PALS2: variants seen among roughly 807,000 people sequenced by gnomAD.
The protein encoded by PALS2 is protein associated with LIN7 2, MAGUK p55 family member, also known as protein PALS2.
PALS2 carries 27 observed loss-of-function variants against 61.6 expected under a neutral mutation model. The ratio of observed to expected loss-of-function variants is 0.44; its 90% CI spans 0.32 to 0.60. The LOEUF (loss-of-function observed/expected upper bound fraction) is 0.60. Among genes scored for constraint, PALS2 ranks in the 20% least tolerant of loss-of-function variants. The probability of loss-of-function intolerance (pLI) is 0.05; values close to 1 mark genes in which losing one functional copy is unlikely to be tolerated. For missense variants in PALS2, 554 were observed against 639.4 expected, an observed-to-expected ratio of 0.87 and a Z score of 1.44; for synonymous variants, 236 against 218.6, an observed-to-expected ratio of 1.08 and a Z score of -0.70.
rs1788520005 is a variant in PALS2 at position 24,692,467 on chromosome 7, A to G, written c.*4853A>G. ...GTGGTAGCTGTGATATGGTGAACTGAAAAATCCTTATTAGGCTACTTTATC... is the reference window on the plus strand; with the variant it reads ...GTGGTAGCTGTGATATGGTGAACTGGAAAATCCTTATTAGGCTACTTTATC... On this transcript the variant is annotated 3_prime_UTR_variant, in exon 12 of 12. Coordinates refer to ENST00000222644, the MANE Select transcript of PALS2 (RefSeq NM_001303037.2). 6.6e-6 allele frequency: 1 copy of G among 152,158 alleles called. No individual in the cohort carries two copies. The highest frequency in any genetic ancestry group is 2.4e-5 in the African/African-American group (1 of 41,462). 9.4% of individuals were successfully genotyped at this position (152,158 alleles called of 1,614,324 possible).
chr7:24,576,922 A>T (rs1025374724), intron 1 of PALS2, among the ~76,000 whole-genome samples: 1 of 152,196 alleles, frequency 6.6e-6, no homozygotes. Flanking sequence ...TTTGTTAACC[A>T]TTAAGCTGTG....
chr7:24,627,939 A>G (rs753808732), intron 2 of PALS2, among the ~76,000 whole-genome samples: 3 of 152,248 alleles, frequency 2.0e-5, no homozygotes, highest in Non-Finnish European at 2.9e-5. Context: ...TACCAGAGAT[A>G]CAAACAGGAG....
At chr7:24,681,651 T>A (rs1380584674) in intron 11 of PALS2, among the ~76,000 whole-genome samples, 1 of 151,950 alleles carries the variant, frequency 6.6e-6, no homozygotes, top group East Asian at 1.9e-4. Flanking sequence ...TGACACATAA[T>A]AAGCTGTGCC....
At chr7:24,637,867 C>G (rs935544812) in intron 2 of PALS2, among the ~76,000 whole-genome samples, 2 of 152,164 alleles carry the variant, frequency 1.3e-5, no homozygotes, top group African/African-American at 4.8e-5. Flanking sequence ...TGCAAATACT[C>G]AATGCCAGTC....
chr7:24,666,717 G>A (rs1165279991), intron 8 of PALS2: 8 of 152,118 alleles, frequency 5.3e-5, no homozygotes, highest in Admixed American at 5.2e-4. Flanking sequence ...ATTCCTGTTT[G>A]TCAGTTGTAC....
At chr7:24,658,694 C>T (rs1583963626) in intron 5 of PALS2, among the ~76,000 whole-genome samples, 1 of 151,824 alleles carries the variant, frequency 6.6e-6, no homozygotes, top group Non-Finnish European at 1.5e-5. Flanking sequence ...GTAGCTGGGA[C>T]TACAGGCACG....
At chr7:24,640,801 G>A (rs958703664) in intron 2 of PALS2, among the ~76,000 whole-genome samples, 2 of 152,000 alleles carry the variant, frequency 1.3e-5, no homozygotes, top group African/African-American at 4.8e-5. Context: ...GAGGTCAGGA[G>A]ATCAAGACCA....
At chr7:24,615,045 C>G (rs1459287238) in intron 1 of PALS2, among the ~76,000 whole-genome samples, 1 of 151,638 alleles carries the variant, frequency 6.6e-6, no homozygotes, top group Non-Finnish European at 1.5e-5. Flanking sequence ...CCTGAATGAC[C>G]AATGAATGAA....
rs1788348587 is a variant in PALS2, at chr7:24,689,069, C to T, written c.*1455C>T. 6.6e-6 allele frequency: 1 copy of T among 152,148 alleles called. No homozygotes were observed. Among genetic ancestry groups the T allele is most frequent in the South Asian group, 2.1e-4 (1 of 4,822 alleles). 9.4% of individuals were successfully genotyped at this position (152,148 alleles called of 1,614,324 possible). ...CCTCAAGTGATCCACCCACCTTGGC[C>T]TCCCAAAGTGCTGAGATTACAAGCA... On this transcript the variant is annotated 3_prime_UTR_variant, in exon 12 of 12. Transcript: ENST00000222644.
intron 1 of PALS2, among the ~76,000 whole-genome samples, chr7:24,610,020 TC>T (rs1305093770): frequency 5.9e-5 from 9 of 152,148 alleles, no homozygotes; most frequent in African/African-American, 2.2e-4. Flanking sequence ...CTAGGATACT[TC>T]CAGTGGTGTG....
chr7:24,626,843 C>T (rs1784767507), intron 2 of PALS2, among the ~76,000 whole-genome samples: 2 of 152,026 alleles, frequency 1.3e-5, no homozygotes, highest in South Asian at 2.1e-4. Flanking sequence ...ATATATGTAC[C>T]CAATATAGGA....
intron 1 of PALS2, among the ~76,000 whole-genome samples, chr7:24,583,657 ATTT>A (rs1782937152): frequency 1.9e-5 from 2 of 104,130 alleles, no homozygotes; most frequent in South Asian, 3.2e-4. Context: ...CTAAATATTT[ATTT>A]AATTTTTTTT....
chr7:24,650,446 C>T, intron 4 of PALS2, 39 bp from the exon 5 acceptor site: 3 of 1,442,620 alleles, frequency 2.1e-6, no homozygotes, highest in South Asian at 2.7e-5. Context: ...GCATTTCTCC[C>T]TAATAATTAA....
chr7:24,623,229 G>A (rs1337368809), intron 1 of PALS2, among the ~76,000 whole-genome samples: 1 of 147,404 alleles, frequency 6.8e-6, no homozygotes, highest in African/African-American at 2.5e-5. Context: ...AGGAGTTTGT[G>A]AAGTATTGGT....
chr7:24,591,693 C>T (rs1463442021), intron 1 of PALS2, among the ~76,000 whole-genome samples: 5 of 152,016 alleles, frequency 3.3e-5, no homozygotes, highest in Non-Finnish European at 7.4e-5. Flanking sequence ...AGGGGAAATG[C>T]AGGGTTAGGT....
At chr7:24,644,865 T>G (rs1414092586) in intron 3 of PALS2, among the ~76,000 whole-genome samples, 1 of 152,122 alleles carries the variant, frequency 6.6e-6, no homozygotes, top group Non-Finnish European at 1.5e-5. Context: ...GGTGTCTCAT[T>G]GTGGTTTTGA....
At chr7:24,649,831 C>T (rs1786047128) in intron 4 of PALS2, 67 bp downstream of exon 4, 1 of 1,355,768 alleles carries the variant, frequency 7.4e-7, no homozygotes, top group Non-Finnish European at 9.8e-7. Flanking sequence ...TCAGTCACTA[C>T]TCTGTTTCAT....
intron 11 of PALS2, among the ~76,000 whole-genome samples, chr7:24,685,608 T>A (rs1287295054): frequency 6.6e-6 from 1 of 152,038 alleles, no homozygotes; most frequent in East Asian, 1.9e-4. Flanking sequence ...TCTTTATTCC[T>A]GTTCCATCTG....
chr7:24,604,587 C>A (rs1165914188), intron 1 of PALS2, among the ~76,000 whole-genome samples: 2 of 152,036 alleles, frequency 1.3e-5, no homozygotes, highest in Admixed American at 6.6e-5. Context: ...ATAGTGGCCC[C>A]AAACCATCTC....
Sources: gnomAD v4.1 joint callset for allele counts (sites outside exome capture counted in the v4.1 genomes callset) on GRCh38, gnomAD v4.1.1 for gene constraint, MANE v1.5 for transcripts, NCBI Gene and HGNC (gene_info 2026-07-23, HGNC 2026-07-21) for gene names.